ARL15: variants seen among roughly 807,000 people sequenced by gnomAD.
ARL15 encodes ADP-ribosylation factor-like protein 15.
ARL15 carries 19 observed loss-of-function variants against 25.2 expected under a neutral mutation model. The ratio of observed to expected loss-of-function variants is 0.75; its 90% CI spans 0.53 to 1.10. The LOEUF (loss-of-function observed/expected upper bound fraction) is 1.10. Ranked by LOEUF, ARL15 falls within the 50% of genes least tolerant of loss-of-function variation. The pLI is 0.00. For missense variants in ARL15, 220 were observed against 246.0 expected, an observed-to-expected ratio of 0.89 and a Z score of 0.71; for synonymous variants, 94 against 86.8, an observed-to-expected ratio of 1.08 and a Z score of -0.46.
intron 4 of ARL15, among the ~76,000 whole-genome samples, chr5:54,059,454 C>T (rs537025011): frequency 5.0e-4 from 76 of 152,220 alleles, no homozygotes; most frequent in Non-Finnish European, 9.6e-4. Flanking sequence ...ACAGCTTAAC[C>T]AGTTGTATTT....
chr5:54,093,025 A>G (rs555473454), intron 4 of ARL15, among the ~76,000 whole-genome samples: 3 of 152,276 alleles, frequency 2.0e-5, no homozygotes, highest in African/African-American at 7.2e-5. Flanking sequence ...CCATACACAT[A>G]TATATTATAG....
chr5:54,154,936 C>A (rs1008940098), intron 2 of ARL15, among the ~76,000 whole-genome samples: 3 of 152,084 alleles, frequency 2.0e-5, no homozygotes, highest in Non-Finnish European at 4.4e-5. Flanking sequence ...TCCTGGGCAA[C>A]ATGGTGAAAC....
intron 4 of ARL15, among the ~76,000 whole-genome samples, chr5:53,895,967 C>A (rs1271794178): frequency 6.6e-6 from 1 of 152,190 alleles, no homozygotes; most frequent in Non-Finnish European, 1.5e-5. Context: ...TCAGTTTGAT[C>A]TATGTGTAAC....
At chr5:54,208,484 G>T (rs1339853231) in intron 1 of ARL15, among the ~76,000 whole-genome samples, 2 of 151,878 alleles carry the variant, frequency 1.3e-5, no homozygotes, top group Non-Finnish European at 2.9e-5. Flanking sequence ...TGCCAAACAG[G>T]ATTAAAAACA....
chr5:54,046,020 T>A (rs188960925), intron 4 of ARL15, among the ~76,000 whole-genome samples: 34 of 152,356 alleles, frequency 2.2e-4, no homozygotes, highest in African/African-American at 7.9e-4. Flanking sequence ...TAGTTCAAAA[T>A]ATCTAAATGT....
At chr5:53,897,984 T>C (rs1337816703) in intron 4 of ARL15, among the ~76,000 whole-genome samples, 1 of 152,158 alleles carries the variant, frequency 6.6e-6, no homozygotes, top group African/African-American at 2.4e-5. Flanking sequence ...ATTATTACAA[T>C]AAGATAAGCT....
In ARL15 at chr5:53,980,313, C is replaced by T. The variant is rs116830196; in HGVS notation, c.463-93600G>A. On this transcript the variant is annotated intron_variant, in intron 4 of 4. Transcript: ENST00000504924. Reference sequence around the variant, plus strand: ...GTGCTAAACACTTAATTTGCATTACCTTTTTTGATTCTTTATGATTAAGGT... The same window carrying T: ...GTGCTAAACACTTAATTTGCATTACTTTTTTTGATTCTTTATGATTAAGGT... Among the ~76,000 whole-genome samples the T allele has an allele frequency of 4.9e-3, 740 of 152,256 alleles. 4 individuals carry two copies. The highest frequency in any genetic ancestry group is 8.6e-3 in the Admixed American group (132 of 15,300).
intron 1 of ARL15, among the ~76,000 whole-genome samples, chr5:54,219,294 T>G (rs143825006): frequency 1.2e-3 from 188 of 152,232 alleles, no homozygotes; most frequent in Middle Eastern, 3.4e-3. Context: ...ATGTAGGGAA[T>G]GGAGTTAAGT....
chr5:53,911,524 TCTCCAAAG>T (rs1745463965), intron 4 of ARL15, among the ~76,000 whole-genome samples: 1 of 152,240 alleles, frequency 6.6e-6, no homozygotes, highest in East Asian at 1.9e-4. Flanking sequence ...ATTGATTGTT[TCTCCAAAG>T]TACCTTTAAC....
At chr5:54,110,077 C>T (rs1384099353) in intron 4 of ARL15, among the ~76,000 whole-genome samples, 2 of 152,008 alleles carry the variant, frequency 1.3e-5, no homozygotes, top group Non-Finnish European at 2.9e-5. Context: ...CAAGACTACA[C>T]TTGCTTTTGA....
intron 4 of ARL15, among the ~76,000 whole-genome samples, chr5:53,987,105 A>G (rs1271731208): frequency 6.6e-6 from 1 of 152,208 alleles, no homozygotes; most frequent in Non-Finnish European, 1.5e-5. Flanking sequence ...GGCAGTAGAA[A>G]GCCCTCCATG....
Position 54,049,180 on chromosome 5 carries a change from T to G in ARL15, c.462+64022A>C, listed in dbSNP as rs1199748622. Among the ~76,000 whole-genome samples, 4 of 152,268 alleles carry G rather than the reference T, an allele frequency of 2.6e-5. No individual in the cohort carries two copies. In the East Asian group the frequency reaches 7.7e-4, roughly 29 times the overall value. ...AAAGTAACTGCCTATAATGTCTACG[T>G]GTATACCTAAGATATGGACATAGAG... On this transcript the variant is annotated intron_variant, in intron 4 of 4. Coordinates refer to ENST00000504924, the MANE Select transcript of ARL15 (RefSeq NM_019087.3).
intron 4 of ARL15, among the ~76,000 whole-genome samples, chr5:54,098,171 C>T (rs1324367061): frequency 2.6e-5 from 4 of 152,166 alleles, no homozygotes; most frequent in African/African-American, 9.6e-5. Flanking sequence ...TCCTCTGTTT[C>T]CTGCAATTCA....
At chr5:54,145,075 T>C (rs549001208) in intron 3 of ARL15, among the ~76,000 whole-genome samples, 8 of 152,310 alleles carry the variant, frequency 5.3e-5, no homozygotes, top group African/African-American at 1.9e-4. Context: ...TTGTTTCTTT[T>C]CTTACCATTT....
intron 4 of ARL15, among the ~76,000 whole-genome samples, chr5:54,096,623 T>G (rs141449564): frequency 1.3e-5 from 2 of 151,994 alleles, no homozygotes; most frequent in East Asian, 3.9e-4. Flanking sequence ...GTTGGCCAGG[T>G]TGGTCTCAAA....
chr5:54,028,672 GA>G (rs1347084842), intron 4 of ARL15, among the ~76,000 whole-genome samples: 1 of 152,142 alleles, frequency 6.6e-6, no homozygotes, highest in Non-Finnish European at 1.5e-5. Context: ...GCAAAGAGCA[GA>G]AATGAATGTC....
chr5:54,073,490 G>A (rs940931254), intron 4 of ARL15, among the ~76,000 whole-genome samples: 6 of 151,958 alleles, frequency 3.9e-5, no homozygotes, highest in Non-Finnish European at 5.9e-5. Flanking sequence ...GGTTTCAAGT[G>A]AGATTGTTAC....
intron 4 of ARL15, among the ~76,000 whole-genome samples, chr5:53,955,096 C>T (rs893909926): frequency 1.3e-5 from 2 of 149,822 alleles, no homozygotes; most frequent in Non-Finnish European, 3.0e-5. Context: ...ATTTCATGTG[C>T]CATACTAGAT....
chr5:53,935,331 A>G (rs954758057), intron 4 of ARL15, among the ~76,000 whole-genome samples: 3 of 152,238 alleles, frequency 2.0e-5, no homozygotes, highest in Admixed American at 6.5e-5. Context: ...ATGTTTGTGC[A>G]GGATGGAAGT....
Sources: gnomAD v4.1 joint callset for allele counts (sites outside exome capture counted in the v4.1 genomes callset) on GRCh38, gnomAD v4.1.1 for gene constraint, MANE v1.5 for transcripts, NCBI Gene and HGNC (gene_info 2026-07-23, HGNC 2026-07-21) for gene names.